The following GRID2 variants were observed in gnomAD, a reference collection of about 807,000 sequenced individuals.
GRID2 encodes the protein glutamate receptor ionotropic, delta-2.
GRID2 carries 33 observed loss-of-function variants against 114.8 expected under a neutral mutation model. That is an observed-to-expected ratio of 0.29 (90% CI 0.22 to 0.38). The LOEUF is 0.38. Ranked by LOEUF, GRID2 falls within the 10% of genes least tolerant of loss-of-function variation. The probability of loss-of-function intolerance (pLI) is 1.00; values close to 1 mark genes in which losing one functional copy is unlikely to be tolerated. For missense variants in GRID2, 1,184 were observed against 1,257.7 expected, an observed-to-expected ratio of 0.94 and a Z score of 0.89; for synonymous variants, 505 against 449.9, an observed-to-expected ratio of 1.12 and a Z score of -1.55.
intron 1 of GRID2, among the ~76,000 whole-genome samples, chr4:92,505,876 T>G (rs1723940427): frequency 6.6e-6 from 1 of 151,990 alleles, no homozygotes; most frequent in South Asian, 2.1e-4. Context: ...AGTTATATAT[T>G]CTACCACCAT....
intron 4 of GRID2, among the ~76,000 whole-genome samples, chr4:93,172,265 A>G (rs1738903672): frequency 1.3e-5 from 2 of 152,148 alleles, no homozygotes; most frequent in Non-Finnish European, 2.9e-5. Context: ...TGAAGCTGTC[A>G]GGTTGGGAAC....
intron 14 of GRID2, among the ~76,000 whole-genome samples, chr4:93,671,411 T>G (rs11725747): frequency 0.33 from 50,714 of 151,944 alleles, 8,723 homozygotes; most frequent in East Asian, 0.59. Flanking sequence ...TATAGAAGCC[T>G]GTTGCAAACT....
At chr4:93,182,401 C>T (rs187741659) in intron 4 of GRID2, among the ~76,000 whole-genome samples, 31 of 152,212 alleles carry the variant, frequency 2.0e-4, no homozygotes, top group Non-Finnish European at 3.5e-4. Context: ...CTTACTTAGG[C>T]AAACTATATT....
intron 13 of GRID2, among the ~76,000 whole-genome samples, chr4:93,589,213 CA>C (rs1227453716): frequency 2.3e-5 from 3 of 128,642 alleles, no homozygotes; most frequent in African/African-American, 8.9e-5. Flanking sequence ...CCCCCCACCC[CA>C]CAACAGTCCC....
intron 2 of GRID2, among the ~76,000 whole-genome samples, chr4:92,754,739 T>A (rs1010625034): frequency 6.6e-6 from 1 of 152,166 alleles, no homozygotes; most frequent in Admixed American, 6.5e-5. Context: ...AAATGACCAT[T>A]TGGGAAAGGG....
chr4:92,462,705 G>A (rs867238046), intron 1 of GRID2, among the ~76,000 whole-genome samples: 8 of 150,428 alleles, frequency 5.3e-5, no homozygotes, highest in Non-Finnish European at 8.9e-5. Context: ...TTAAGTGATC[G>A]GTTTAAAAAA....
At chr4:93,363,543 T>C (rs1294578682) in intron 8 of GRID2, among the ~76,000 whole-genome samples, 1 of 152,158 alleles carries the variant, frequency 6.6e-6, no homozygotes. Flanking sequence ...TTTTTTCTAA[T>C]TAATTCTTGT....
At chr4:93,463,052 G>A (rs1402138313) in intron 11 of GRID2, among the ~76,000 whole-genome samples, 1 of 152,124 alleles carries the variant, frequency 6.6e-6, no homozygotes, top group Middle Eastern at 3.2e-3. Context: ...CTCTGTTGTT[G>A]TTAATTATGA....
At chr4:92,747,033 C>T (rs1737182112) in intron 2 of GRID2, among the ~76,000 whole-genome samples, 1 of 151,914 alleles carries the variant, frequency 6.6e-6, no homozygotes, top group Non-Finnish European at 1.5e-5. Context: ...GAATAAAAAT[C>T]CCCCAATCCT....
At chr4:93,402,310 A>G (rs1765972913) in intron 9 of GRID2, among the ~76,000 whole-genome samples, 1 of 152,110 alleles carries the variant, frequency 6.6e-6, no homozygotes, top group South Asian at 2.1e-4. Context: ...CGCTGTTCTG[A>G]ACTTCAATTT....
At chr4:92,743,325 T>C (rs963457274) in intron 2 of GRID2, among the ~76,000 whole-genome samples, 4 of 152,196 alleles carry the variant, frequency 2.6e-5, no homozygotes, top group African/African-American at 9.6e-5. Flanking sequence ...TGATCATTTC[T>C]CTGTTGTTAT....
chr4:93,771,521 T>C (rs76828057), intron 15 of GRID2, among the ~76,000 whole-genome samples: 4,626 of 152,288 alleles, frequency 0.03, 99 homozygotes, highest in Non-Finnish European at 0.049. Context: ...TATTGCTCTC[T>C]CTAAACAATC....
At chr4:93,482,373 C>T (rs1281692356) in intron 11 of GRID2, among the ~76,000 whole-genome samples, 1 of 152,012 alleles carries the variant, frequency 6.6e-6, no homozygotes, top group Non-Finnish European at 1.5e-5. Flanking sequence ...AGAATGAGTT[C>T]ATGTCCTTTG....
chr4:92,422,642 A>G (rs890632367), intron 1 of GRID2, among the ~76,000 whole-genome samples: 1 of 151,966 alleles, frequency 6.6e-6, no homozygotes, highest in African/African-American at 2.4e-5. Flanking sequence ...CAGTTAACCC[A>G]TCTGGGTGGT....
chr4:92,865,304 A>G (rs1287381438), intron 2 of GRID2, among the ~76,000 whole-genome samples: 2 of 152,230 alleles, frequency 1.3e-5, no homozygotes, highest in African/African-American at 4.8e-5. Context: ...ATGTTCAGAG[A>G]TGATGTCTAA....
chr4:93,396,333 T>C (rs919765219), intron 9 of GRID2, among the ~76,000 whole-genome samples: 2 of 151,976 alleles, frequency 1.3e-5, no homozygotes, highest in African/African-American at 4.8e-5. Flanking sequence ...TACAGTAGTT[T>C]CCCTTTATCT....
intron 2 of GRID2, among the ~76,000 whole-genome samples, chr4:92,841,569 A>C (rs1359498803): frequency 6.6e-6 from 1 of 152,048 alleles, no homozygotes; most frequent in Non-Finnish European, 1.5e-5. Flanking sequence ...CGCTAGAAAA[A>C]GTTTAACATT....
rs146403389 is a variant in GRID2 at position 92,399,761 on chromosome 4, G to C, written c.88+95017G>C. The stretch of plus-strand genomic sequence containing the variant: ...GGTAGGCAAAACATATTATTTTATT[G>C]TAATTAGAATTTCAGAGCTAGAAGA... On this transcript the variant is annotated intron_variant, in intron 1 of 15. Coordinates refer to ENST00000282020, the MANE Select transcript of GRID2 (RefSeq NM_001510.4). Among the ~76,000 whole-genome samples the C allele has an allele frequency of 4.6e-5, 7 of 150,884 alleles. No homozygotes were observed. In the East Asian group the frequency reaches 1.4e-3, roughly 30 times the overall value.
intron 2 of GRID2, among the ~76,000 whole-genome samples, chr4:92,863,257 G>A (rs1337009181): frequency 6.6e-6 from 1 of 151,856 alleles, no homozygotes; most frequent in Non-Finnish European, 1.5e-5. Context: ...TGAGTTAATT[G>A]CCTTTTAAAC....
Sources: gnomAD v4.1 joint callset for allele counts (sites outside exome capture counted in the v4.1 genomes callset) on GRCh38, gnomAD v4.1.1 for gene constraint, MANE v1.5 for transcripts, NCBI Gene and HGNC (gene_info 2026-07-23, HGNC 2026-07-21) for gene names.